RYR2: variants seen among roughly 807,000 people sequenced by gnomAD.
The protein encoded by RYR2 is cardiac muscle ryanodine receptor-calcium release channel.
RYR2 carries 227 observed loss-of-function variants against 601.1 expected under a neutral mutation model. The observed-to-expected ratio is 0.38, with a 90% confidence interval of 0.34 to 0.42. RYR2 has a LOEUF of 0.42. Ranked by LOEUF, RYR2 falls within the 10% of genes least tolerant of loss-of-function variation. The probability of loss-of-function intolerance (pLI) is 1.00; values close to 1 mark genes in which losing one functional copy is unlikely to be tolerated. For missense variants in RYR2, 4,646 were observed against 6,156.5 expected, an observed-to-expected ratio of 0.75 and a Z score of 8.21; for synonymous variants, 2,223 against 2,175.1, an observed-to-expected ratio of 1.02 and a Z score of -0.61.
At chr1:237,172,267 C>G (rs1677487039) in intron 1 of RYR2, among the ~76,000 whole-genome samples, 1 of 152,162 alleles carries the variant, frequency 6.6e-6, no homozygotes. Context: ...AGGTGAAGCT[C>G]ATTATGCTTC....
At chr1:237,107,365 CA>C in intron 1 of RYR2, among the ~76,000 whole-genome samples, 1 of 150,698 alleles carries the variant, frequency 6.6e-6, no homozygotes, top group Non-Finnish European at 1.5e-5. Context: ...ACTAAAAATA[CA>C]AAAAATTAGC....
chr1:237,511,745 G>A lies in RYR2; in HGVS notation c.2776G>A (p.Glu926Lys). 1 of 1,551,756 alleles carries A rather than the reference G, an allele frequency of 6.4e-7. No individual in the cohort carries two copies. Among genetic ancestry groups the A allele is most frequent in the African/African-American group, 1.4e-5 (1 of 73,024 alleles). The change falls in exon 24 of 105, where the codon GAA becomes AAA. Residue 926 changes from glutamate (E) to lysine (K), a missense_variant. Physicochemically the swap from Glu to Lys is moderately conservative, Grantham distance 56. Coordinates refer to ENST00000366574, the MANE Select transcript of RYR2 (RefSeq NM_001035.3). ...CCTGGTGGAGTTCTCCAAGCTGCCT[G>A]AACAGGAGCGCAATTACAACTTACA... ...PCLVEFSKLP[E>K]QERNYNLQMS...
intron 10 of RYR2, among the ~76,000 whole-genome samples, chr1:237,401,368 C>T (rs1014306038): frequency 6.6e-6 from 1 of 151,598 alleles, no homozygotes; most frequent in East Asian, 1.9e-4. Context: ...CAAATGGGAT[C>T]CCCAGACCAC....
Position 237,699,202 on chromosome 1 carries a change from G to T in RYR2, c.9128+177G>T, listed in dbSNP as rs12121414. ...TAATACAGTGGCAGCTTATGTCTAT[G>T]ATCATATATAGATTATTATTTAATG... On this transcript the variant is annotated intron_variant, in intron 64 of 104. Transcript: ENST00000366574. 0.032 allele frequency among the ~76,000 whole-genome samples: 4,888 copies of T among 152,196 alleles called. 108 individuals are homozygous for T. The highest frequency in any genetic ancestry group is 0.061 in the Middle Eastern group (18 of 294).
At chr1:237,437,037 A>AT (rs1044317671) in intron 12 of RYR2, among the ~76,000 whole-genome samples, 3 of 150,324 alleles carry the variant, frequency 2.0e-5, no homozygotes, top group Admixed American at 1.3e-4. Flanking sequence ...TTATTTATTT[A>AT]TTTTTTATTT....
intron 2 of RYR2, among the ~76,000 whole-genome samples, chr1:237,273,243 C>G (rs1018563702): frequency 1.3e-5 from 2 of 152,124 alleles, no homozygotes; most frequent in African/African-American, 4.8e-5. Context: ...AGATCCCTTG[C>G]ATGTGCAGTT....
intron 2 of RYR2, among the ~76,000 whole-genome samples, chr1:237,303,240 T>C (rs1399803802): frequency 1.3e-5 from 2 of 151,988 alleles, no homozygotes; most frequent in South Asian, 2.1e-4. Flanking sequence ...TTCTAAAGGG[T>C]ATATGTGTTA....
At chr1:237,498,426 G>A (rs1664295104) in intron 20 of RYR2, among the ~76,000 whole-genome samples, 1 of 152,202 alleles carries the variant, frequency 6.6e-6, no homozygotes, top group East Asian at 1.9e-4. Context: ...TAGGGCTAAA[G>A]TCCATGTTAT....
chr1:237,580,155 CTTTT>C (rs58145628), intron 29 of RYR2, among the ~76,000 whole-genome samples: 1 of 116,596 alleles, frequency 8.6e-6, no homozygotes. Flanking sequence ...CACAACAATT[CTTTT>C]TTTTTTTTTT....
At chr1:237,396,674 T>C (rs778236353) in intron 10 of RYR2, among the ~76,000 whole-genome samples, 2 of 152,200 alleles carry the variant, frequency 1.3e-5, no homozygotes, top group Non-Finnish European at 2.9e-5. Flanking sequence ...GCATTTGTTA[T>C]GCTTAATGTC....
intron 1 of RYR2, among the ~76,000 whole-genome samples, chr1:237,162,140 A>T (rs1333417418): frequency 6.6e-6 from 1 of 152,178 alleles, no homozygotes; most frequent in Non-Finnish European, 1.5e-5. Flanking sequence ...ATATTCTGTT[A>T]ATCCTCTGCA....
In RYR2 at chr1:237,281,134, G is replaced by C. The variant is rs553921557; in HGVS notation, c.168+10518G>C. On this transcript the variant is annotated intron_variant, in intron 2 of 104. Coordinates refer to ENST00000366574, the MANE Select transcript of RYR2 (RefSeq NM_001035.3). ...TTTATGCTGGTATCCAGTTAAGGTA[G>C]AGTGGTGACACAAAGGGCAAAGATG... is the stretch of plus-strand genomic sequence containing the variant. Among the ~76,000 whole-genome samples the C allele has an allele frequency of 3.3e-4, 50 of 152,256 alleles. 1 individual carries two copies. The highest frequency in any genetic ancestry group is 1.2e-3 in the African/African-American group (50 of 41,556).
rs1661272422 is a variant in RYR2 at position 237,051,426 on chromosome 1, C to G, written c.48+8857C>G. The stretch of plus-strand genomic sequence containing the variant: ...GCTATTTTGATAGTGGCAGGACCAG[C>G]AACAAACCTGTACCATCTCAGCATT... On this transcript the variant is annotated intron_variant, in intron 1 of 104. Transcript: ENST00000366574. Among the ~76,000 whole-genome samples the G allele has an allele frequency of 6.0e-5, 9 of 150,760 alleles. No individual in the cohort carries two copies. In the South Asian group the frequency reaches 1.9e-3, roughly 32 times the overall value.
At chr1:237,050,605 C>G (rs1357758814) in intron 1 of RYR2, among the ~76,000 whole-genome samples, 1 of 152,158 alleles carries the variant, frequency 6.6e-6, no homozygotes, top group Non-Finnish European at 1.5e-5. Context: ...AATTGTTTCT[C>G]TTTCCTCCTG....
chr1:237,517,633 A>C (rs1334358305), intron 24 of RYR2, among the ~76,000 whole-genome samples: 1 of 151,196 alleles, frequency 6.6e-6, no homozygotes, highest in South Asian at 2.1e-4. Flanking sequence ...AGGAACTATA[A>C]TTAAAAAAAA....
intron 1 of RYR2, among the ~76,000 whole-genome samples, chr1:237,217,448 C>T (rs973762224): frequency 6.6e-6 from 1 of 151,880 alleles, no homozygotes; most frequent in Non-Finnish European, 1.5e-5. Context: ...TAGGTGGTGG[C>T]TAAAAATGTC....
chr1:237,378,946 T>G (rs1282390855), intron 8 of RYR2, among the ~76,000 whole-genome samples: 4 of 152,222 alleles, frequency 2.6e-5, no homozygotes, highest in Non-Finnish European at 5.9e-5. Context: ...GGAGCATTTT[T>G]CTACTTTTGT....
At chr1:237,322,668 C>T (rs764835849) in intron 2 of RYR2, among the ~76,000 whole-genome samples, 5 of 152,066 alleles carry the variant, frequency 3.3e-5, no homozygotes, top group Admixed American at 6.6e-5. Context: ...ATCCTGCAGA[C>T]GGCAAAGCTG....
At chr1:237,533,556 T>C (rs560987415) in intron 25 of RYR2, among the ~76,000 whole-genome samples, 1 of 152,128 alleles carries the variant, frequency 6.6e-6, no homozygotes, top group East Asian at 1.9e-4. Context: ...TTGGCTATAG[T>C]CTAATAATAA....
Sources: gnomAD v4.1 joint callset for allele counts (sites outside exome capture counted in the v4.1 genomes callset) on GRCh38, gnomAD v4.1.1 for gene constraint, MANE v1.5 for transcripts, NCBI Gene and HGNC (gene_info 2026-07-23, HGNC 2026-07-21) for gene names.